Variants in CRYZL1 observed in about 807,000 individuals in gnomAD.
The protein encoded by CRYZL1 is crystallin zeta like 1.
A neutral mutation model predicts 50.6 loss-of-function variants in CRYZL1; 34 were observed. The ratio of observed to expected loss-of-function variants is 0.67; its 90% CI spans 0.51 to 0.89. The LOEUF is 0.89. Among genes scored for constraint, CRYZL1 ranks in the 40% least tolerant of loss-of-function variants. CRYZL1 has a pLI of 0.00. For synonymous variants in CRYZL1, 125 were observed against 134.3 expected, an observed-to-expected ratio of 0.93 and a Z score of 0.48; for missense variants, 354 against 402.3, an observed-to-expected ratio of 0.88 and a Z score of 1.03.
chr21:33,628,235 A>G (rs570271148), intron 2 of CRYZL1, among the ~76,000 whole-genome samples: 1 of 152,322 alleles, frequency 6.6e-6, no homozygotes, highest in East Asian at 1.9e-4. Context: ...TATTTTTTAA[A>G]GTAAGGTAGT....
At chr21:33,600,914 A>ACCACGCCCAGC in intron 8 of CRYZL1, among the ~76,000 whole-genome samples, 2 of 111,656 alleles carry the variant, frequency 1.8e-5, no homozygotes, top group Middle Eastern at 6.1e-3. Flanking sequence ...GGTATGAGCC[A>ACCACGCCCAGC]CTGTGCCCGG....
chr21:33,619,834 A>T (rs564397997), intron 4 of CRYZL1, among the ~76,000 whole-genome samples: 6 of 152,236 alleles, frequency 3.9e-5, no homozygotes. Flanking sequence ...GTCTTTGCTC[A>T]TAATATCCTC....
intron 11 of CRYZL1, among the ~76,000 whole-genome samples, chr21:33,592,444 A>C (rs2086653436): frequency 6.6e-6 from 1 of 152,038 alleles, no homozygotes; most frequent in Non-Finnish European, 1.5e-5. Context: ...GCCTCCAAAT[A>C]TTTTTGATCC....
chr21:33,641,103 G>T, intron 1 of CRYZL1: 1 of 1,542,072 alleles, frequency 6.5e-7, no homozygotes, highest in Non-Finnish European at 8.7e-7. Context: ...TCATAACGTG[G>T]ACAGCAGCAC....
intron 4 of CRYZL1, among the ~76,000 whole-genome samples, chr21:33,619,758 CT>C (rs2044450782): frequency 6.6e-6 from 1 of 152,150 alleles, no homozygotes; most frequent in Admixed American, 6.5e-5. Context: ...CTGCCCAGGA[CT>C]TTATCTTGCT....
At chr21:33,630,200 GGAGAATGGAAACTCTT>G (rs2087121328) in intron 2 of CRYZL1, among the ~76,000 whole-genome samples, 1 of 152,148 alleles carries the variant, frequency 6.6e-6, no homozygotes, top group Admixed American at 6.6e-5. Context: ...GTAAGGATGT[GGAGAATGGAAACTCTT>G]ATACACCACT....
rs973657412 is a variant in CRYZL1, at chr21:33,602,325, A to G, written c.486T>C (p.Ile162=). 15 of 1,604,974 alleles carry G rather than the reference A, an allele frequency of 9.3e-6. No individual in the cohort carries two copies. Among genetic ancestry groups the G allele is most frequent in the Non-Finnish European group, 1.3e-5 (15 of 1,171,612 alleles). ...TGGCTCCTCTATGATGTGCTAACTG[A>G]ATAGCTATTGTACCAAATGCCTGTG... The part of the protein sequence containing the change: ...DGASAFGTIA[I]QLAHHRGAKV... The change falls in exon 8 of 13, where the codon ATT becomes ATC. Residue 162 remains isoleucine, a synonymous_variant. Transcript: ENST00000381554.
rs190191160 is a variant in CRYZL1 at position 33,623,080 on chromosome 21, C to T, written c.145-1012G>A. Among the ~76,000 whole-genome samples, 174 of 151,946 alleles carry T rather than the reference C, an allele frequency of 1.1e-3. 4 individuals carry two copies. In the East Asian group the frequency reaches 0.028, roughly 24 times the overall value. On this transcript the variant is annotated intron_variant, in intron 3 of 12. Transcript: ENST00000381554. Reference sequence around the variant, plus strand: ...TCCCAGGTTCAAGCGATTCTCCTGCCTCAGCCTCCTGAGTAGATGGGACTA... The same window carrying T: ...TCCCAGGTTCAAGCGATTCTCCTGCTTCAGCCTCCTGAGTAGATGGGACTA...
chr21:33,621,489 A>C (rs1288363275), intron 4 of CRYZL1, among the ~76,000 whole-genome samples: 33 of 151,260 alleles, frequency 2.2e-4, no homozygotes, highest in Admixed American at 1.4e-3. Context: ...CTACAGGCGC[A>C]TGCCACCACG....
chr21:33,602,187 C>T, intron 8 of CRYZL1, 47 bp downstream of exon 8: 1 of 1,043,862 alleles, frequency 9.6e-7, no homozygotes, highest in East Asian at 2.4e-5. Flanking sequence ...AGGTGATTTT[C>T]CTTCAAAATT....
intron 6 of CRYZL1, among the ~76,000 whole-genome samples, chr21:33,606,636 T>C (rs1405839460): frequency 1.3e-5 from 2 of 151,048 alleles, no homozygotes; most frequent in African/African-American, 2.4e-5. Context: ...AAAAAAAAAA[T>C]TGCATGGTTA....
At chr21:33,626,003 G>A (rs2087057978) in intron 2 of CRYZL1, among the ~76,000 whole-genome samples, 1 of 151,454 alleles carries the variant, frequency 6.6e-6, no homozygotes, top group African/African-American at 2.4e-5. Context: ...ACCCAGGCTG[G>A]AGTGCAGTGG....
At chr21:33,601,671 C>T (rs1367554505) in intron 8 of CRYZL1, among the ~76,000 whole-genome samples, 1 of 152,160 alleles carries the variant, frequency 6.6e-6, no homozygotes, top group Non-Finnish European at 1.5e-5. Context: ...AATTCCAGCA[C>T]TTTGGGAGGC....
intron 1 of CRYZL1, among the ~76,000 whole-genome samples, chr21:33,638,048 C>A (rs2087231588): frequency 6.6e-6 from 1 of 151,932 alleles, no homozygotes; most frequent in Non-Finnish European, 1.5e-5. Context: ...TCACATTAAT[C>A]TGTGAGACTT....
chr21:33,631,442 TA>T, intron 2 of CRYZL1, 43 bp downstream of exon 2: 1 of 1,398,936 alleles, frequency 7.1e-7, no homozygotes, highest in African/African-American at 1.5e-5. Flanking sequence ...TTATTGCAGA[TA>T]AAAATACACT....
intron 6 of CRYZL1, among the ~76,000 whole-genome samples, chr21:33,612,910 A>G (rs2086889061): frequency 6.6e-6 from 1 of 151,974 alleles, no homozygotes; most frequent in Admixed American, 6.6e-5. Flanking sequence ...TCTCAGCTCC[A>G]TCTCCAGAGT....
At chr21:33,610,262 C>T (rs2086857772) in intron 6 of CRYZL1, among the ~76,000 whole-genome samples, 2 of 152,068 alleles carry the variant, frequency 1.3e-5, no homozygotes, top group South Asian at 4.1e-4. Context: ...TGGGTTCAAG[C>T]GAGTCTCGTG....
intron 6 of CRYZL1, among the ~76,000 whole-genome samples, chr21:33,607,195 G>A (rs1414493157): frequency 6.6e-6 from 1 of 152,094 alleles, no homozygotes; most frequent in Non-Finnish European, 1.5e-5. Flanking sequence ...CAAAAGAGTT[G>A]GAAGAATTAC....
chr21:33,599,103 T>C lies in CRYZL1; in HGVS notation c.676+47A>G, dbSNP rs76733259. The C allele has an allele frequency of 6.0e-4, 947 of 1,573,980 alleles. 7 individuals are homozygous for C. The African/African-American group carries it at 0.011, about 19-fold the overall frequency. On this transcript the variant is annotated intron_variant, in intron 9 of 12. Coordinates refer to ENST00000381554, the MANE Select transcript of CRYZL1 (RefSeq NM_145858.3). ...GGTTAAATTTTTTTTCTTAAATTCA[T>C]CAAACTAAAAAAACTACACAGGCTA...
Sources: allele counts gnomAD v4.1 joint callset (sites outside exome capture counted in the v4.1 genomes callset), GRCh38; gene constraint gnomAD v4.1.1; transcripts MANE v1.5; gene names NCBI Gene and HGNC (gene_info 2026-07-23, HGNC 2026-07-21).